Variants in CA10 observed in about 807,000 individuals in gnomAD.
The protein encoded by CA10 is carbonic anhydrase 10 (inactive).
A neutral mutation model predicts 44.2 loss-of-function variants in CA10; 14 were observed. The ratio of observed to expected loss-of-function variants is 0.32; its 90% CI spans 0.21 to 0.50. CA10 has a LOEUF of 0.50. Ranked by LOEUF, CA10 falls within the 20% of genes least tolerant of loss-of-function variation. CA10 has a pLI of 0.99. For synonymous variants in CA10, 159 were observed against 141.6 expected (o/e 1.12, Z -0.87); for missense variants, 350 against 409.7 (o/e 0.85, Z 1.26).
At position 52,013,714 on chromosome 17, in the gene CA10, T is replaced by G. The variant is rs575113888; in HGVS notation, c.136+58605A>C. Among the ~76,000 whole-genome samples the G allele has an allele frequency of 2.6e-5, 4 of 152,130 alleles. No homozygotes were observed. In the South Asian group the frequency reaches 8.3e-4, roughly 32 times the overall value. On this transcript the variant is annotated intron_variant, in intron 2 of 8. Transcript: ENST00000451037. ...TTGACTTCCTGTTTTGTTTTTGTGATGTCTGAGTTACTTACATATTCAGAA... is the reference window on the plus strand; with the variant it reads ...TTGACTTCCTGTTTTGTTTTTGTGAGGTCTGAGTTACTTACATATTCAGAA...
chr17:51,675,566 A>AAT (rs397790793), intron 4 of CA10, among the ~76,000 whole-genome samples: 8 of 150,208 alleles, frequency 5.3e-5, no homozygotes, highest in African/African-American at 2.0e-4. Flanking sequence ...AAAAAAAAAA[A>AAT]TTAGCCAGGT....
intron 1 of CA10, among the ~76,000 whole-genome samples, chr17:52,104,936 C>CA (rs1430761672): frequency 6.6e-6 from 1 of 152,014 alleles, no homozygotes; most frequent in South Asian, 2.1e-4. Context: ...GGAGTACTTA[C>CA]AAAAAAATAA....
intron 3 of CA10, among the ~76,000 whole-genome samples, chr17:51,862,835 A>C (rs1233163235): frequency 1.3e-5 from 2 of 151,734 alleles, no homozygotes; most frequent in Non-Finnish European, 2.9e-5. Flanking sequence ...AAACTATCTG[A>C]TGTCTCTTCT....
chr17:52,069,374 T>C (rs1987619840), intron 2 of CA10, among the ~76,000 whole-genome samples: 1 of 152,092 alleles, frequency 6.6e-6, no homozygotes, highest in Admixed American at 6.5e-5. Context: ...GAGTATATGA[T>C]GGTATGGAGG....
At chr17:51,666,680 C>G (rs1226404113) in intron 4 of CA10, among the ~76,000 whole-genome samples, 1 of 145,094 alleles carries the variant, frequency 6.9e-6, no homozygotes, top group African/African-American at 2.6e-5. Context: ...TGTGCCAGTA[C>G]TTGACAAGTT....
chr17:51,967,439 A>C (rs954299295), intron 2 of CA10, among the ~76,000 whole-genome samples: 2 of 151,730 alleles, frequency 1.3e-5, no homozygotes, highest in Non-Finnish European at 3.0e-5. Flanking sequence ...AAATCAACCT[A>C]AGTGTCCCTC....
At chr17:51,802,996 G>T (rs148684704) in intron 3 of CA10, among the ~76,000 whole-genome samples, 1 of 152,254 alleles carries the variant, frequency 6.6e-6, no homozygotes, top group Non-Finnish European at 1.5e-5. Context: ...TCAGGACCCT[G>T]CCAGTTATGA....
chr17:51,655,061 G>A (rs1391541989), intron 4 of CA10, among the ~76,000 whole-genome samples: 2 of 151,948 alleles, frequency 1.3e-5, no homozygotes, highest in African/African-American at 4.8e-5. Flanking sequence ...CACAGTAACT[G>A]TTAAAAAAAC....
At chr17:51,977,536 T>C (rs1336673232) in intron 2 of CA10, among the ~76,000 whole-genome samples, 1 of 152,102 alleles carries the variant, frequency 6.6e-6, no homozygotes, top group African/African-American at 2.4e-5. Flanking sequence ...TGGGGGGAAG[T>C]CTTCAAACTA....
chr17:52,052,066 G>A (rs959913965), intron 2 of CA10, among the ~76,000 whole-genome samples: 7 of 151,882 alleles, frequency 4.6e-5, no homozygotes, highest in African/African-American at 7.3e-5. Flanking sequence ...CTTATAAGTG[G>A]GAGCTAAATG....
At chr17:51,856,801 T>C (rs1979065966) in intron 3 of CA10, among the ~76,000 whole-genome samples, 1 of 152,160 alleles carries the variant, frequency 6.6e-6, no homozygotes, top group Non-Finnish European at 1.5e-5. Context: ...AGGGGGCTTA[T>C]GAAAGGCTCC....
At chr17:51,677,885 A>T (rs969718210) in intron 4 of CA10, among the ~76,000 whole-genome samples, 1 of 137,918 alleles carries the variant, frequency 7.3e-6, no homozygotes, top group Non-Finnish European at 1.6e-5. Flanking sequence ...CTAGGTATAC[A>T]CCCCCCCCCC....
At chr17:51,891,436 A>T (rs1302202118) in intron 3 of CA10, among the ~76,000 whole-genome samples, 1 of 152,202 alleles carries the variant, frequency 6.6e-6, no homozygotes, top group African/African-American at 2.4e-5. Context: ...CTTGAAACAG[A>T]GGTGGTAATA....
intron 3 of CA10, among the ~76,000 whole-genome samples, chr17:51,896,736 C>T (rs550980456): frequency 2.2e-4 from 34 of 152,094 alleles, no homozygotes; most frequent in African/African-American, 7.7e-4. Flanking sequence ...CTGTAACCTC[C>T]CCAGCATCTG....
At chr17:52,008,937 G>A (rs1164066821) in intron 2 of CA10, among the ~76,000 whole-genome samples, 2 of 151,900 alleles carry the variant, frequency 1.3e-5, no homozygotes, top group African/African-American at 2.4e-5. Flanking sequence ...GCTTCTAGAG[G>A]ATAGGAAGTG....
intron 2 of CA10, among the ~76,000 whole-genome samples, chr17:51,980,300 C>G (rs1451548796): frequency 1.3e-5 from 2 of 152,080 alleles, no homozygotes; most frequent in Non-Finnish European, 2.9e-5. Flanking sequence ...ATCTTTTATT[C>G]ACATGATTGT....
chr17:52,081,269 T>A (rs8074240), intron 1 of CA10, among the ~76,000 whole-genome samples: 95,560 of 152,038 alleles, frequency 0.63, 31,992 homozygotes, highest in African/African-American at 0.87. Context: ...TAAATAAAAA[T>A]AATTGGCTTC....
At chr17:52,147,298 AT>A (rs1192626172) in intron 1 of CA10, among the ~76,000 whole-genome samples, 1 of 152,174 alleles carries the variant, frequency 6.6e-6, no homozygotes, top group African/African-American at 2.4e-5. Flanking sequence ...CACTTTGCAT[AT>A]ACAGTCCCTG....
chr17:52,033,986 A>T (rs1986543804), intron 2 of CA10, among the ~76,000 whole-genome samples: 1 of 152,234 alleles, frequency 6.6e-6, no homozygotes, highest in Non-Finnish European at 1.5e-5. Flanking sequence ...AAACTAGTCA[A>T]ACTCATAGAA....
Sources: allele counts gnomAD v4.1 joint callset (sites outside exome capture counted in the v4.1 genomes callset), GRCh38; gene constraint gnomAD v4.1.1; transcripts MANE v1.5; gene names NCBI Gene and HGNC (gene_info 2026-07-23, HGNC 2026-07-21).